Variants in GLIS3 observed in about 807,000 individuals in gnomAD.
GLIS3 encodes GLIS family zinc finger 3, also known as zinc finger protein GLIS3.
In GLIS3, 53 loss-of-function variants were observed where a neutral mutation model predicts 78.6. The ratio of observed to expected loss-of-function variants is 0.67; its 90% CI spans 0.54 to 0.85. The LOEUF is 0.85. Ranked by LOEUF, GLIS3 falls within the 40% of genes least tolerant of loss-of-function variation. The pLI is 0.00. For synonymous variants in GLIS3, 684 were observed against 509.9 expected (o/e 1.34, Z -4.60); for missense variants, 1,703 against 1,231.1 (o/e 1.38, Z -5.74).
chr9:4,384,326 G>A, the GLIS3 span, among the ~76,000 whole-genome samples: 2 of 135,796 alleles, frequency 1.5e-5, no homozygotes, highest in Non-Finnish European at 3.1e-5. Flanking sequence ...CAGTTAGCCA[G>A]GACTCACCTT....
chr9:4,447,938 A>G, the GLIS3 span, among the ~76,000 whole-genome samples: 1 of 152,054 alleles, frequency 6.6e-6, no homozygotes, highest in Non-Finnish European at 1.5e-5. Context: ...TTTTTCTAAA[A>G]ATGAGCTCTC....
At chr9:4,319,663 A>T (rs1163570716) in intron 2 of GLIS3, among the ~76,000 whole-genome samples, 1 of 151,944 alleles carries the variant, frequency 6.6e-6, no homozygotes, top group Non-Finnish European at 1.5e-5. Flanking sequence ...CCAGGTAGCT[A>T]GGACTATAGG....
the GLIS3 span, among the ~76,000 whole-genome samples, chr9:4,389,949 T>A: frequency 6.6e-6 from 1 of 152,224 alleles, no homozygotes; most frequent in Non-Finnish European, 1.5e-5. Context: ...GTGACACATA[T>A]AGAACGTTCT....
chr9:4,435,987 T>C, the GLIS3 span, among the ~76,000 whole-genome samples: 3 of 151,368 alleles, frequency 2.0e-5, no homozygotes, highest in African/African-American at 4.8e-5. Context: ...AACAAACAAA[T>C]AAAAATCTTC....
chr9:4,138,927 T>C (rs1175932115), intron 2 of GLIS3, among the ~76,000 whole-genome samples: 1 of 152,122 alleles, frequency 6.6e-6, no homozygotes, highest in African/African-American at 2.4e-5. Flanking sequence ...AGCATGGGTA[T>C]GTTGTAAGGA....
chr9:4,307,800 G>C (rs1197488806), intron 4 of GLIS3, among the ~76,000 whole-genome samples: 3 of 152,154 alleles, frequency 2.0e-5, no homozygotes, highest in African/African-American at 7.2e-5. Context: ...AGCTCTAGAA[G>C]CTGGAAAAGC....
At chr9:4,120,259 G>C (rs1402996617) in intron 3 of GLIS3, among the ~76,000 whole-genome samples, 1 of 152,150 alleles carries the variant, frequency 6.6e-6, no homozygotes, top group South Asian at 2.1e-4. Context: ...ATATTAGCAA[G>C]AAAAACATCT....
At chr9:3,967,970 A>G (rs1199350757) in intron 4 of GLIS3, among the ~76,000 whole-genome samples, 2 of 152,150 alleles carry the variant, frequency 1.3e-5, no homozygotes, top group East Asian at 1.9e-4. Flanking sequence ...GACCCCATAA[A>G]TCATATCTTC....
At chr9:4,336,279 C>A (rs1417756474) in intron 2 of GLIS3, among the ~76,000 whole-genome samples, 1 of 152,226 alleles carries the variant, frequency 6.6e-6, no homozygotes, top group Non-Finnish European at 1.5e-5. Flanking sequence ...TCTTCTTTAG[C>A]TCTGAATACT....
intron 2 of GLIS3, among the ~76,000 whole-genome samples, chr9:4,222,720 C>A (rs895462147): frequency 6.6e-6 from 1 of 152,198 alleles, no homozygotes; most frequent in African/African-American, 2.4e-5. Context: ...ATATGGGCAG[C>A]ACCAAGTCCA....
chr9:4,075,358 G>A (rs1285149451), intron 4 of GLIS3, among the ~76,000 whole-genome samples: 2 of 149,044 alleles, frequency 1.3e-5, no homozygotes. Context: ...GACAAGGTCA[G>A]GAGATAGAGA....
At chr9:3,976,700 G>C (rs1047055084) in intron 4 of GLIS3, among the ~76,000 whole-genome samples, 7 of 147,108 alleles carry the variant, frequency 4.8e-5, no homozygotes, top group African/African-American at 1.8e-4. Context: ...GCTTCAAATA[G>C]GACACACCCA....
intron 4 of GLIS3, among the ~76,000 whole-genome samples, chr9:3,987,059 T>C (rs1819800026): frequency 6.6e-6 from 1 of 152,192 alleles, no homozygotes; most frequent in Non-Finnish European, 1.5e-5. Flanking sequence ...TAAAAATGCT[T>C]CAACAATGAA....
chr9:4,152,942 G>C lies in GLIS3; in HGVS notation c.389-27001C>G, dbSNP rs77636356. ...TTCATTCTTCCTAACTTTCTTATAG[G>C]TTGAATGCAGTGCTTCTTAGCCTCT... On this transcript the variant is annotated intron_variant, in intron 2 of 10. Coordinates refer to ENST00000381971, the MANE Select transcript of GLIS3 (RefSeq NM_001042413.2). 1.4e-4 allele frequency among the ~76,000 whole-genome samples: 22 copies of C among 152,258 alleles called. 1 individual carries two copies. Among genetic ancestry groups the C allele is most frequent in the African/African-American group, 5.1e-4 (21 of 41,546 alleles).
intron 9 of GLIS3, among the ~76,000 whole-genome samples, chr9:3,830,008 G>C (rs188107937): frequency 6.6e-6 from 1 of 152,154 alleles, no homozygotes. Context: ...TGGCTAGGTA[G>C]ACAGTGTTCC....
At chr9:3,893,141 A>G (rs370189275) in intron 7 of GLIS3, among the ~76,000 whole-genome samples, 62 of 152,306 alleles carry the variant, frequency 4.1e-4, no homozygotes, top group African/African-American at 1.5e-3. Context: ...AAAATAACCA[A>G]TACTTTTCCC....
intron 4 of GLIS3, among the ~76,000 whole-genome samples, chr9:4,061,661 A>G (rs1261808847): frequency 6.6e-6 from 1 of 152,194 alleles, no homozygotes; most frequent in Non-Finnish European, 1.5e-5. Flanking sequence ...ACTTTTTTAG[A>G]GTCTCGGGTA....
chr9:3,962,446 A>G (rs1290740295), intron 4 of GLIS3, among the ~76,000 whole-genome samples: 1 of 152,190 alleles, frequency 6.6e-6, no homozygotes, highest in East Asian at 1.9e-4. Context: ...CTTCCCCAGC[A>G]ATCTTAATTT....
the GLIS3 span, among the ~76,000 whole-genome samples, chr9:4,471,403 G>A: frequency 3.3e-5 from 5 of 151,972 alleles, no homozygotes; most frequent in Non-Finnish European, 7.4e-5. Flanking sequence ...GGTACCAAAA[G>A]AGAGATATAG....
Sources: allele counts gnomAD v4.1 joint callset (sites outside exome capture counted in the v4.1 genomes callset), GRCh38; gene constraint gnomAD v4.1.1; transcripts MANE v1.5; gene names NCBI Gene and HGNC (gene_info 2026-07-23, HGNC 2026-07-21).